Variants in CNGA1 observed in about 807,000 individuals in gnomAD.
The protein encoded by CNGA1 is cyclic nucleotide-gated channel alpha-1.
CNGA1 carries 53 observed loss-of-function variants against 69.7 expected under a neutral mutation model. The ratio of observed to expected loss-of-function variants is 0.76; its 90% confidence interval spans 0.61 to 0.96. CNGA1 has a LOEUF of 0.96. Ranked by LOEUF, CNGA1 falls within the 40% of genes least tolerant of loss-of-function variation. The pLI is 0.00. For missense variants in CNGA1, 739 were observed against 811.2 expected (o/e 0.91, Z 1.08); for synonymous variants, 249 against 283.5 (o/e 0.88, Z 1.22).
intron 2 of CNGA1, among the ~76,000 whole-genome samples, chr4:47,995,624 C>T (rs908624729): frequency 4.1e-5 from 6 of 147,830 alleles, no homozygotes; most frequent in African/African-American, 1.6e-4. Context: ...TAATAACTAA[C>T]CCCCTGAATT....
In CNGA1 at chr4:47,936,777, G is replaced by T; in HGVS notation, c.1705C>A (p.Leu569Met). 1 of 1,614,134 alleles carries T rather than the reference G, an allele frequency of 6.2e-7. No homozygotes were observed. Among genetic ancestry groups the T allele is most frequent in the Non-Finnish European group, 8.5e-7 (1 of 1,180,034 alleles). ...ANIKSIGYSD[L>M]FCLSKDDLME... ...AGGTCATCTTTTGAGAGACAGAACA[G>T]GTCTGAGTAGCCAATACTTTTAATA... Residue 569 changes from leucine to methionine, a missense_variant, in exon 11 of 11, where the codon CTG becomes ATG. Transcript: ENST00000514170.
intron 5 of CNGA1, 45 bp downstream of exon 5, chr4:47,951,308 T>C (rs1343417619): frequency 4.7e-6 from 6 of 1,269,250 alleles, no homozygotes; most frequent in Non-Finnish European, 6.9e-6. Flanking sequence ...ACCTTAAGCA[T>C]AAATGGTTAA....
At chr4:47,989,040 C>T (rs1742121251) in intron 2 of CNGA1, among the ~76,000 whole-genome samples, 1 of 152,042 alleles carries the variant, frequency 6.6e-6, no homozygotes, top group Non-Finnish European at 1.5e-5. Context: ...ATTAGATCCC[C>T]TACTGTGAAA....
At chr4:47,948,497 A>T (rs1739557483) in intron 6 of CNGA1, among the ~76,000 whole-genome samples, 1 of 152,158 alleles carries the variant, frequency 6.6e-6, no homozygotes, top group Non-Finnish European at 1.5e-5. Context: ...CAACTTAAGG[A>T]TCTATGGATC....
intron 3 of CNGA1, among the ~76,000 whole-genome samples, chr4:47,974,102 AGATAGATAGATAGATAGATAGAT>A: frequency 6.6e-6 from 1 of 151,936 alleles, no homozygotes; most frequent in South Asian, 2.1e-4. Flanking sequence ...ATAGATAGAT[AGATAGATAGATAGATAGATAGAT>A]GATAGATAGC....
In CNGA1 at chr4:47,936,391, A is replaced by G; in HGVS notation, c.*30T>C. 3 of 1,605,754 alleles carry G rather than the reference A, an allele frequency of 1.9e-6. No individual in the cohort carries two copies. The highest frequency in any genetic ancestry group is 1.1e-5 in the South Asian group (1 of 90,942). On this transcript the variant is annotated 3_prime_UTR_variant, in exon 11 of 11. Transcript: ENST00000514170. ...CATAGGATCAAAAGGATCATGAGGC[A>G]TGTCCCTGTTAATGACCAGCTTTTC...
intron 10 of CNGA1, among the ~76,000 whole-genome samples, chr4:47,940,513 A>G (rs1700809649): frequency 6.6e-6 from 1 of 152,214 alleles, no homozygotes; most frequent in Non-Finnish European, 1.5e-5. Context: ...CACAAAACCA[A>G]TGAACAAGAT....
At chr4:47,948,579 C>T (rs560164625) in intron 6 of CNGA1, among the ~76,000 whole-genome samples, 154 of 152,268 alleles carry the variant, frequency 1.0e-3, no homozygotes, top group African/African-American at 3.5e-3. Flanking sequence ...CATTAAGCTA[C>T]GGCTACTCCC....
At position 47,936,873 on chromosome 4, in the gene CNGA1, C is replaced by G; in HGVS notation, c.1609G>C (p.Gly537Arg). The G allele has an allele frequency of 6.2e-7, 1 of 1,614,124 alleles. No homozygotes were observed. Among genetic ancestry groups the G allele is most frequent in the African/African-American group, 1.3e-5 (1 of 75,034 alleles). ...GVTQFVVLSD[G>R]SYFGEISILN... ...ATGCTGATCTCACCGAAGTAGCTGC[C>G]ATCGCTCAATACCACAAACTGAGTG... The change falls in exon 11 of 11, where the codon GGC (glycine) becomes CGC (arginine). Residue 537 changes from glycine (G) to arginine (R), a missense_variant. By Grantham distance (125) the Gly-to-Arg change is moderately radical. Transcript: ENST00000514170.
Position 47,952,722 on chromosome 4 carries a change from T to C in CNGA1, c.-14-19A>G, listed in dbSNP as rs1426492027. ...TTCATATCTGAGGAGAAAGAAGTCTTATTAGTGGAAAGGCTATTTTTATAT... is the reference window on the plus strand; with the variant it reads ...TTCATATCTGAGGAGAAAGAAGTCTCATTAGTGGAAAGGCTATTTTTATAT... On this transcript the variant is annotated intron_variant, in intron 3 of 10. Coordinates refer to ENST00000514170, the MANE Select transcript of CNGA1 (RefSeq NM_001379270.1). The C allele has an allele frequency of 3.9e-6, 6 of 1,542,148 alleles. No homozygotes were observed. The highest frequency in any genetic ancestry group is 5.3e-6 in the Non-Finnish European group (6 of 1,139,508).
chr4:47,947,143 A>G (rs900596509), intron 6 of CNGA1, among the ~76,000 whole-genome samples: 2 of 151,940 alleles, frequency 1.3e-5, no homozygotes, highest in African/African-American at 4.8e-5. Flanking sequence ...ATTTTCCACT[A>G]TGTCATTTTC....
intron 3 of CNGA1, among the ~76,000 whole-genome samples, chr4:47,974,617 T>C (rs908224675): frequency 3.3e-5 from 5 of 152,202 alleles, no homozygotes; most frequent in African/African-American, 4.8e-5. Context: ...ATCTGTTATA[T>C]AGCATGGTAA....
At chr4:47,954,026 A>T (rs779418146) in intron 3 of CNGA1, among the ~76,000 whole-genome samples, 22 of 152,100 alleles carry the variant, frequency 1.4e-4, no homozygotes, top group Non-Finnish European at 2.6e-4. Flanking sequence ...TATAAACCTG[A>T]GACCTTAGCG....
intron 1 of CNGA1, 124 bp downstream of exon 1, chr4:48,016,359 C>G (rs114980044): frequency 0.015 from 2,474 of 164,710 alleles, 66 homozygotes; most frequent in African/African-American, 0.056. Flanking sequence ...CGGTGCAAAG[C>G]AACTAACACC....
chr4:48,006,733 T>C (rs1407116908), intron 2 of CNGA1, among the ~76,000 whole-genome samples: 1 of 152,130 alleles, frequency 6.6e-6, no homozygotes, highest in Non-Finnish European at 1.5e-5. Flanking sequence ...GTGATTCTCC[T>C]GCCTCAGCCT....
At chr4:48,002,941 C>T (rs1423401702) in intron 2 of CNGA1, among the ~76,000 whole-genome samples, 7 of 152,072 alleles carry the variant, frequency 4.6e-5, no homozygotes, top group African/African-American at 1.7e-4. Flanking sequence ...ATCATTTAAA[C>T]CATAGCCTAA....
chr4:47,995,125 A>G (rs1032051431), intron 2 of CNGA1, among the ~76,000 whole-genome samples: 3 of 152,074 alleles, frequency 2.0e-5, no homozygotes, highest in Non-Finnish European at 4.4e-5. Flanking sequence ...CCTTTGTCTT[A>G]ATTTTAGATA....
In CNGA1 at chr4:47,981,403, TTAAG is replaced by T. The variant is rs1229318223; in HGVS notation, c.-29_-26del. 3 of 152,230 alleles carry T rather than the reference TTAAG, an allele frequency of 2.0e-5. No individual in the cohort carries two copies. The highest frequency in any genetic ancestry group is 7.2e-5 in the African/African-American group (3 of 41,458). 9.4% of individuals were successfully genotyped at this position (152,230 alleles called of 1,614,324 possible). ...TCACTGGGTTCTTACCTTTGGTTGT[TTAAG>T]TAATATAACTTTGTCTTCTAGAAGT... On this transcript the variant is annotated 5_prime_UTR_variant, in exon 3 of 11. Transcript: ENST00000514170.
At chr4:47,940,265 C>A (rs895589068) in intron 10 of CNGA1, among the ~76,000 whole-genome samples, 2 of 152,158 alleles carry the variant, frequency 1.3e-5, no homozygotes, top group East Asian at 3.9e-4. Flanking sequence ...AGTGTAGAAA[C>A]AATTAGCTTC....
Sources: allele counts gnomAD v4.1 joint callset (sites outside exome capture counted in the v4.1 genomes callset), GRCh38; gene constraint gnomAD v4.1.1; transcripts MANE v1.5; gene names NCBI Gene and HGNC (gene_info 2026-07-23, HGNC 2026-07-21).